The following UVSSA variants were observed in gnomAD, a reference collection of about 807,000 sequenced individuals.
The protein encoded by UVSSA is UV-stimulated scaffold protein A.
UVSSA carries 72 observed loss-of-function variants against 73.9 expected under a neutral mutation model. The ratio of observed to expected loss-of-function variants is 0.97; its 90% CI spans 0.81 to 1.19. The LOEUF is 1.19. Among genes scored for constraint, UVSSA ranks in the 50% most tolerant of loss-of-function variants. The pLI is 0.00. For synonymous variants in UVSSA, 454 were observed against 391.3 expected (o/e 1.16, Z -1.89); for missense variants, 1,150 against 965.0 (o/e 1.19, Z -2.54).
chr4:1,364,456 G>A (rs1258111343), intron 7 of UVSSA, among the ~76,000 whole-genome samples: 3 of 152,208 alleles, frequency 2.0e-5, no homozygotes, highest in African/African-American at 7.2e-5. Flanking sequence ...GTGGGCTCCC[G>A]CCCTAGGGGT....
At chr4:1,357,761 C>G (rs1175640884) in intron 7 of UVSSA, among the ~76,000 whole-genome samples, 1 of 152,258 alleles carries the variant, frequency 6.6e-6, no homozygotes, top group Non-Finnish European at 1.5e-5. Context: ...CCTCCCAGAC[C>G]TCTGCAGGCT....
intron 7 of UVSSA, 42 bp from the exon 8 acceptor site, chr4:1,366,277 AC>A (rs778988982): frequency 6.6e-7 from 1 of 1,503,966 alleles, no homozygotes; most frequent in African/African-American, 1.4e-5. Flanking sequence ...GTGTTCATAC[AC>A]AGGGTCTGGG....
chr4:1,384,154 C>G (rs9685761), intron 13 of UVSSA: 424,658 of 599,502 alleles, frequency 0.71, 152,545 homozygotes, highest in African/African-American at 0.94. Context: ...GAACGCCCCC[C>G]AGCATTCCCC....
At chr4:1,371,444 C>T (rs968918292) in intron 8 of UVSSA, among the ~76,000 whole-genome samples, 3 of 152,130 alleles carry the variant, frequency 2.0e-5, no homozygotes, top group Non-Finnish European at 4.4e-5. Flanking sequence ...ACTTGGTTTT[C>T]TTTCGTCAGT....
intron 7 of UVSSA, chr4:1,357,913 G>A (rs1354842878): frequency 6.6e-6 from 1 of 152,412 alleles, no homozygotes; most frequent in Non-Finnish European, 1.5e-5. Context: ...TACTGGGCAG[G>A]GCACGGCCGC....
At chr4:1,392,196 C>T (rs1720427488), downstream of UVSSA, 1 of 152,220 alleles carries the variant, frequency 6.6e-6, no homozygotes, top group African/African-American at 2.4e-5. Flanking sequence ...ACCTTCACTT[C>T]AAGTAGCTTT....
rs990831168 is a variant in UVSSA, at chr4:1,366,499, G to T, written c.1288+68G>T. 1.6e-5 allele frequency: 20 copies of T among 1,241,288 alleles called. No individual in the cohort carries two copies. The Admixed American group carries it at 4.3e-4, about 27-fold the overall frequency. 76.9% of individuals were successfully genotyped at this position (1,241,288 alleles called of 1,614,324 possible). Reference sequence around the variant, plus strand: ...CCCCCACTCAGGATGTGGCCCCTTGGGGTCATGACCTCAGGGGCAGGGCCT... The same window carrying T: ...CCCCCACTCAGGATGTGGCCCCTTGTGGTCATGACCTCAGGGGCAGGGCCT... On this transcript the variant is annotated intron_variant, in intron 8 of 13. Transcript: ENST00000389851.
chr4:1,376,203 C>T, intron 10 of UVSSA, 35 bp downstream of exon 10: 2 of 1,585,182 alleles, frequency 1.3e-6, no homozygotes, highest in Non-Finnish European at 1.7e-6. Flanking sequence ...GGCCAGGGCA[C>T]ACAACCAGGG....
intron 7 of UVSSA, chr4:1,359,143 T>C (rs1174624712): frequency 6.6e-6 from 1 of 152,252 alleles, no homozygotes; most frequent in African/African-American, 2.4e-5. Flanking sequence ...CGGGTTTGAA[T>C]ATGTGTGCTG....
rs1327816946 is a variant in UVSSA at position 1,380,603 on chromosome 4, G to C, written c.1753-277G>C. On this transcript the variant is annotated intron_variant, in intron 11 of 13. Transcript: ENST00000389851. ...AGCCGGGCAGCTGGGCATGGTGCAG[G>C]GGGGTCGCTATGGCCATGCTGGATG... 5 of 1,486,348 alleles carry C rather than the reference G, an allele frequency of 3.4e-6. No individual in the cohort carries two copies. The African/African-American group carries it at 6.9e-5, about 21-fold the overall frequency. The allele number at this position is 1,486,348 out of a possible 1,614,324, so 92.1% of individuals were successfully genotyped here. A position where few individuals can be genotyped will look rare whatever the true frequency, so the allele number is the denominator to read the frequency against.
At chr4:1,380,016 A>C in intron 10 of UVSSA, 31 bp from the exon 11 acceptor site, 1 of 1,568,756 alleles carries the variant, frequency 6.4e-7, no homozygotes, top group Non-Finnish European at 8.7e-7. Context: ...GTCCCTGCAG[A>C]TGCTATGAGG....
exon 14 of UVSSA, chr4:1,394,468 GT>G (rs745479865): frequency 7.5e-6 from 12 of 1,609,136 alleles, no homozygotes; most frequent in Non-Finnish European, 1.0e-5. Flanking sequence ...AGGAAACCCA[GT>G]TTTTAAATTT....
At chr4:1,393,036 G>C (rs908077635), downstream of UVSSA, 1 of 152,210 alleles carries the variant, frequency 6.6e-6, no homozygotes, top group African/African-American at 2.4e-5. Context: ...TTATGTCCAT[G>C]TTCTCTTCCC....
chr4:1,381,983 C>T (rs910684358), intron 12 of UVSSA, among the ~76,000 whole-genome samples: 1 of 152,146 alleles, frequency 6.6e-6, no homozygotes, highest in Non-Finnish European at 1.5e-5. Context: ...GGAGAGTGGC[C>T]ACACCTGCAG....
chr4:1,347,073 C>T (rs982583006), upstream of UVSSA, among the ~76,000 whole-genome samples: 1 of 152,132 alleles, frequency 6.6e-6, no homozygotes, highest in Non-Finnish European at 1.5e-5. Flanking sequence ...CGAGAAAGGC[C>T]GCGTCGAGCG....
At chr4:1,381,251 C>T (rs752640969) in intron 12 of UVSSA, among the ~76,000 whole-genome samples, 8 of 152,220 alleles carry the variant, frequency 5.3e-5, no homozygotes, top group Non-Finnish European at 8.8e-5. Flanking sequence ...CCCACGGCCC[C>T]GAAGCCACAG....
At chr4:1,366,226 A>G (rs1717304243) in intron 7 of UVSSA, 94 bp from the exon 8 acceptor site, 2 of 1,007,334 alleles carry the variant, frequency 2.0e-6, no homozygotes, top group African/African-American at 1.6e-5. Flanking sequence ...AAAAAGCTCC[A>G]CAAGAAATAG....
chr4:1,351,529 G>T (rs192207295), intron 3 of UVSSA, among the ~76,000 whole-genome samples, 186 bp from the exon 4 acceptor site: 1,720 of 151,234 alleles, frequency 0.011, 30 homozygotes, highest in African/African-American at 0.038. Context: ...GGGACTACAG[G>T]CGCCCGCCAC....
At position 1,375,390 on chromosome 4, in the gene UVSSA, A is replaced by C. The variant is rs147019484; in HGVS notation, c.1315A>C (p.Thr439Pro). The C allele has an allele frequency of 1.2e-6, 2 of 1,613,508 alleles. No individual in the cohort carries two copies. The highest frequency in any genetic ancestry group is 2.7e-5 in the African/African-American group (2 of 74,940). The change falls in exon 9 of 14, where the codon ACA becomes CCA. Residue 439 changes from threonine to proline, a missense_variant. By Grantham distance (38) the Thr-to-Pro change is conservative. Coordinates refer to ENST00000389851, the MANE Select transcript of UVSSA (RefSeq NM_020894.4). ...YGLEAAPEKD[T>P]VVRCLRTRTR... ...GCTGGAGGCAGCACCAGAGAAAGAC[A>C]CAGTTGTGCGGTGCTTGCGGACGAG... is the stretch of plus-strand genomic sequence containing the variant.
Sources: allele counts gnomAD v4.1 joint callset (sites outside exome capture counted in the v4.1 genomes callset), GRCh38; gene constraint gnomAD v4.1.1; transcripts MANE v1.5; gene names NCBI Gene and HGNC (gene_info 2026-07-23, HGNC 2026-07-21).